NLGN4X: variants seen among roughly 807,000 people sequenced by gnomAD.
NLGN4X encodes the protein neuroligin-4, X-linked.
In NLGN4X, 3 loss-of-function variants were observed where a neutral mutation model predicts 40.3. That is an observed-to-expected ratio of 0.07 (90% confidence interval 0.03 to 0.19). The LOEUF (loss-of-function observed/expected upper bound fraction) is 0.19, where lower values mean the gene tolerates loss of function less well. Ranked by LOEUF, NLGN4X falls within the 10% of genes least tolerant of loss-of-function variation. The pLI is 1.00. For missense variants in NLGN4X, 382 were observed against 708.3 expected, an observed-to-expected ratio of 0.54 and a Z score of 5.23; for synonymous variants, 270 against 306.8, an observed-to-expected ratio of 0.88 and a Z score of 1.25.
At chrX:6,114,948 C>G (rs753658306) in intron 2 of NLGN4X, among the ~76,000 whole-genome samples, 4 of 112,215 alleles carry the variant, frequency 3.6e-5, no homozygotes, top group Non-Finnish European at 7.5e-5. Context: ...CAGAAATAAA[C>G]AGTAGTCACC....
chrX:5,894,186 G>A (rs1178184051), intron 5 of NLGN4X, among the ~76,000 whole-genome samples: 1 of 111,969 alleles, frequency 8.9e-6, no homozygotes, highest in Non-Finnish European at 1.9e-5. Flanking sequence ...GACCCCCACA[G>A]CAAAGAAGTT....
In NLGN4X at chrX:5,952,924, C is replaced by T. The variant is rs1171930416; in HGVS notation, c.626-43685G>A. ...ATGAGCATCAATGTAACTTTCTCTG[C>T]TTATACATTAACAGAGAAACAGACA... On this transcript the variant is annotated intron_variant, in intron 3 of 5. Transcript: ENST00000381095. Among the ~76,000 whole-genome samples, 3 of 112,058 alleles carry T rather than the reference C, an allele frequency of 2.7e-5. No homozygotes were observed. In the South Asian group the frequency reaches 1.1e-3, roughly 41 times the overall value.
intron 1 of NLGN4X, among the ~76,000 whole-genome samples, chrX:6,181,280 A>G (rs1180832586): frequency 8.9e-6 from 1 of 111,892 alleles, no homozygotes; most frequent in African/African-American, 3.2e-5. Context: ...ACAGCTATGC[A>G]CACAGACGCT....
chrX:6,033,475 G>A (rs191076450), intron 2 of NLGN4X, among the ~76,000 whole-genome samples: 2 of 111,952 alleles, frequency 1.8e-5, no homozygotes, highest in African/African-American at 3.2e-5. Context: ...TATAGACCAT[G>A]TCCTATGTGT....
At chrX:6,149,961 TAAA>T (rs754296118) in intron 2 of NLGN4X, among the ~76,000 whole-genome samples, 1 of 97,248 alleles carries the variant, frequency 1.0e-5, no homozygotes, top group Non-Finnish European at 2.1e-5. Flanking sequence ...GATTGAAGTT[TAAA>T]AAAAAAAAAA....
intron 2 of NLGN4X, among the ~76,000 whole-genome samples, chrX:6,116,068 T>C (rs2039272451): frequency 6.5e-5 from 7 of 108,508 alleles, no homozygotes; most frequent in Middle Eastern, 4.7e-3. Flanking sequence ...CCAAGGTGGG[T>C]GCATCAGGAG....
rs140267179 is a variant in NLGN4X at position 6,124,762 on chromosome X, C to T, written c.472+26233G>A. 3.3e-4 allele frequency among the ~76,000 whole-genome samples: 37 copies of T among 111,937 alleles called. No individual in the cohort carries two copies. In the East Asian group the frequency reaches 0.01, roughly 31 times the overall value. ...TGATCTGGTGGGTATCTATGGAAAC[C>T]TATGCTCCTCAAAACACACATTCTC... On this transcript the variant is annotated intron_variant, in intron 2 of 5. Transcript: ENST00000381095.
intron 3 of NLGN4X, among the ~76,000 whole-genome samples, chrX:5,920,227 G>C (rs1020833863): frequency 8.9e-6 from 1 of 112,113 alleles, no homozygotes; most frequent in South Asian, 3.7e-4. Flanking sequence ...AAGGAGTCCC[G>C]GTGTAGCTGA....
intron 3 of NLGN4X, among the ~76,000 whole-genome samples, chrX:5,952,014 A>C (rs1054337370): frequency 8.9e-6 from 1 of 112,511 alleles, no homozygotes; most frequent in African/African-American, 3.2e-5. Flanking sequence ...TTTTCCAAAA[A>C]TAGAGGCAGT....
intron 2 of NLGN4X, among the ~76,000 whole-genome samples, chrX:6,121,429 A>T (rs941319652): frequency 3.6e-5 from 4 of 111,807 alleles, no homozygotes; most frequent in Admixed American, 9.5e-5. Context: ...ACACCCTATC[A>T]TGCAACAGAC....
chrX:5,932,153 C>T (rs184265302), intron 3 of NLGN4X, among the ~76,000 whole-genome samples: 315 of 111,468 alleles, frequency 2.8e-3, no homozygotes, highest in African/African-American at 9.8e-3. Flanking sequence ...CCCTCCACAC[C>T]CCCAGGAATG....
At chrX:6,052,756 C>T (rs1314235930) in intron 2 of NLGN4X, among the ~76,000 whole-genome samples, 4 of 112,089 alleles carry the variant, frequency 3.6e-5, no homozygotes, top group Non-Finnish European at 5.6e-5. Flanking sequence ...CCCATGATAC[C>T]GCAACTGCTT....
At chrX:6,222,155 G>A (rs1925771414) in intron 1 of NLGN4X, among the ~76,000 whole-genome samples, 1 of 110,970 alleles carries the variant, frequency 9.0e-6, no homozygotes, top group Non-Finnish European at 1.9e-5. Flanking sequence ...AGCAAAATCC[G>A]TGTCCCCTCT....
At chrX:5,901,021 T>C (rs549355097) in intron 5 of NLGN4X, among the ~76,000 whole-genome samples, 2 of 112,396 alleles carry the variant, frequency 1.8e-5, no homozygotes, top group South Asian at 7.4e-4. Flanking sequence ...AGCATTTGCA[T>C]CAAATGTGGG....
At chrX:6,181,220 G>T (rs1208484072) in intron 1 of NLGN4X, among the ~76,000 whole-genome samples, 1 of 111,097 alleles carries the variant, frequency 9.0e-6, no homozygotes, top group Non-Finnish European at 1.9e-5. Context: ...GTGGTACAAA[G>T]AACCCTCAAG....
intron 1 of NLGN4X, among the ~76,000 whole-genome samples, chrX:6,168,515 C>T (rs2040540835): frequency 8.9e-6 from 1 of 112,517 alleles, no homozygotes; most frequent in African/African-American, 3.2e-5. Context: ...TAACTGGTTT[C>T]ACTATGTATT....
At chrX:5,965,627 C>A (rs989540499) in intron 3 of NLGN4X, among the ~76,000 whole-genome samples, 11 of 111,494 alleles carry the variant, frequency 9.9e-5, no homozygotes, top group African/African-American at 3.3e-4. Flanking sequence ...GGTTCTGAAA[C>A]CAGAGAACCC....
In NLGN4X at chrX:5,893,769, T is replaced by C. The variant is rs960536497; in HGVS notation, c.1602-103A>G. 4 of 912,436 alleles carry C rather than the reference T, an allele frequency of 4.4e-6. No homozygotes were observed. The South Asian group carries it at 7.1e-5, about 16-fold the overall frequency. The allele number at this position is 912,436 out of a possible 1,213,427, so 75.2% of individuals were successfully genotyped here. On this transcript the variant is annotated intron_variant, in intron 5 of 5. Transcript: ENST00000381095. ...AGGAAGTTACAATCTGCTCTTCATA[T>C]ATATTTATCAATGAGCACAAAATAC...
chrX:6,008,923 T>C (rs1044386832), intron 3 of NLGN4X, among the ~76,000 whole-genome samples: 1 of 112,243 alleles, frequency 8.9e-6, no homozygotes, highest in Non-Finnish European at 1.9e-5. Flanking sequence ...GTACCTCATA[T>C]TGGTAAAATC....
Sources: allele counts gnomAD v4.1 joint callset (sites outside exome capture counted in the v4.1 genomes callset), GRCh38; gene constraint gnomAD v4.1.1; transcripts MANE v1.5; gene names NCBI Gene and HGNC (gene_info 2026-07-23, HGNC 2026-07-21).